KCNMA1: variants seen among roughly 807,000 people sequenced by gnomAD.
The protein encoded by KCNMA1 is Calcium-activated potassium channel subunit alpha-1.
In KCNMA1, 29 loss-of-function variants were observed where a neutral mutation model predicts 140.0. That is an observed-to-expected ratio of 0.21 (90% CI 0.15 to 0.28). The LOEUF is 0.28. Among genes scored for constraint, KCNMA1 ranks in the 10% least tolerant of loss-of-function variants. The pLI, the probability that KCNMA1 is intolerant of heterozygous loss-of-function variation, is 1.00. For missense variants in KCNMA1, 880 were observed against 1,602.2 expected (o/e 0.55, Z 7.70); for synonymous variants, 612 against 611.9 (o/e 1.00, Z 0.00).
At chr10:77,541,141 C>A (rs1242928677) in intron 1 of KCNMA1, among the ~76,000 whole-genome samples, 1 of 151,396 alleles carries the variant, frequency 6.6e-6, no homozygotes, top group East Asian at 1.9e-4. Context: ...GCAAAGAAAC[C>A]CAAAATAAAA....
At chr10:76,918,606 T>C (rs997773399) in intron 23 of KCNMA1, among the ~76,000 whole-genome samples, 2 of 152,152 alleles carry the variant, frequency 1.3e-5, no homozygotes, top group African/African-American at 4.8e-5. Context: ...TTGGCATGGA[T>C]GCGGTGAACA....
At chr10:77,360,961 AC>A (rs2093899444) in intron 2 of KCNMA1, among the ~76,000 whole-genome samples, 1 of 151,452 alleles carries the variant, frequency 6.6e-6, no homozygotes, top group Non-Finnish European at 1.5e-5. Context: ...CTGAATAGTG[AC>A]CCTGGGGCTC....
intron 2 of KCNMA1, among the ~76,000 whole-genome samples, chr10:77,357,052 T>C (rs377400483): frequency 9.9e-5 from 15 of 152,268 alleles, no homozygotes; most frequent in African/African-American, 3.4e-4. Flanking sequence ...TGCCCAAGTA[T>C]AAAACCAACA....
At chr10:77,016,968 T>C (rs1327327609) in intron 17 of KCNMA1, among the ~76,000 whole-genome samples, 2 of 152,142 alleles carry the variant, frequency 1.3e-5, no homozygotes, top group African/African-American at 4.8e-5. Context: ...CTTTCTGTGG[T>C]TTTTTGCAGT....
intron 1 of KCNMA1, 139 bp from the exon 2 acceptor site, chr10:77,404,162 G>A (rs2096382375): frequency 5.7e-6 from 4 of 706,638 alleles, no homozygotes; most frequent in South Asian, 1.7e-5. Flanking sequence ...TAAAGCAGAA[G>A]GGGTAAATTA....
chr10:77,189,214 T>G (rs983052603), intron 3 of KCNMA1, among the ~76,000 whole-genome samples: 1 of 152,118 alleles, frequency 6.6e-6, no homozygotes, highest in African/African-American at 2.4e-5. Flanking sequence ...CCAAAAAACC[T>G]TTCTTGCAAC....
At chr10:76,933,508 T>C (rs12247001) in intron 23 of KCNMA1, among the ~76,000 whole-genome samples, 1,594 of 152,346 alleles carry the variant, frequency 0.01, 24 homozygotes, top group African/African-American at 0.034. Flanking sequence ...AATAGCCAGG[T>C]GACCCTCTGT....
intron 1 of KCNMA1, among the ~76,000 whole-genome samples, chr10:77,406,984 G>C (rs1314700981): frequency 6.6e-6 from 1 of 152,162 alleles, no homozygotes; most frequent in Non-Finnish European, 1.5e-5. Context: ...GTGGTTAACT[G>C]CATCAGTAAT....
chr10:77,467,580 T>G (rs1403663551), intron 1 of KCNMA1, among the ~76,000 whole-genome samples: 2 of 152,240 alleles, frequency 1.3e-5, no homozygotes, highest in Non-Finnish European at 2.9e-5. Flanking sequence ...CCAGAGACTA[T>G]AAAGGCCATA....
intron 15 of KCNMA1, among the ~76,000 whole-genome samples, chr10:77,032,746 T>TA (rs1371486168): frequency 6.6e-6 from 1 of 152,046 alleles, no homozygotes; most frequent in Non-Finnish European, 1.5e-5. Context: ...TTTTTTTTTT[T>TA]ACTGCCAACA....
chr10:77,368,062 C>T (rs979725137), intron 2 of KCNMA1, among the ~76,000 whole-genome samples: 7 of 152,134 alleles, frequency 4.6e-5, no homozygotes, highest in Non-Finnish European at 8.8e-5. Flanking sequence ...AATATCTAGA[C>T]ATTGAATTTC....
intron 13 of KCNMA1, among the ~76,000 whole-genome samples, chr10:77,075,471 G>T (rs531266191): frequency 2.6e-5 from 4 of 152,250 alleles, no homozygotes; most frequent in African/African-American, 7.2e-5. Context: ...GAACCTTCAT[G>T]GCACCTTCAA....
intron 2 of KCNMA1, among the ~76,000 whole-genome samples, chr10:77,334,199 C>T (rs1261085042): frequency 6.6e-6 from 1 of 152,110 alleles, no homozygotes; most frequent in South Asian, 2.1e-4. Flanking sequence ...ATTTTTATCT[C>T]ATTCGCTCAC....
At chr10:77,045,650 A>G (rs547770439) in intron 14 of KCNMA1, among the ~76,000 whole-genome samples, 1 of 152,306 alleles carries the variant, frequency 6.6e-6, no homozygotes, top group African/African-American at 2.4e-5. Context: ...CACCTTCCTG[A>G]TCCCAGGTTC....
intron 25 of KCNMA1, among the ~76,000 whole-genome samples, chr10:76,896,777 C>T (rs981034949): frequency 6.6e-6 from 1 of 151,710 alleles, no homozygotes; most frequent in Non-Finnish European, 1.5e-5. Context: ...GGTAGGATAA[C>T]TAAAATACAA....
intron 2 of KCNMA1, among the ~76,000 whole-genome samples, chr10:77,280,009 G>A (rs1039977542): frequency 3.3e-5 from 5 of 151,942 alleles, no homozygotes; most frequent in Admixed American, 2.0e-4. Context: ...GCCTCCCTTC[G>A]AACCCACAGT....
chr10:76,941,654 CTAG>C (rs1240710003), intron 23 of KCNMA1, among the ~76,000 whole-genome samples: 1 of 152,194 alleles, frequency 6.6e-6, no homozygotes, highest in African/African-American at 2.4e-5. Context: ...AGACTGCTGG[CTAG>C]TGAGAGACAG....
At chr10:77,368,239 T>C (rs1049734828) in intron 2 of KCNMA1, among the ~76,000 whole-genome samples, 1 of 152,246 alleles carries the variant, frequency 6.6e-6, no homozygotes, top group African/African-American at 2.4e-5. Context: ...GCCATTATAA[T>C]AGGTGTGTTC....
intron 5 of KCNMA1, among the ~76,000 whole-genome samples, chr10:77,131,095 C>T (rs1374613754): frequency 2.0e-5 from 3 of 152,102 alleles, no homozygotes; most frequent in Non-Finnish European, 4.4e-5. Context: ...CAGGAGTAGT[C>T]ACTACATGGC....
Sources: allele counts gnomAD v4.1 joint callset (sites outside exome capture counted in the v4.1 genomes callset), GRCh38; gene constraint gnomAD v4.1.1; transcripts MANE v1.5; gene names NCBI Gene and HGNC (gene_info 2026-07-23, HGNC 2026-07-21).